Variants in ITCH observed in about 807,000 individuals in gnomAD.
ITCH encodes the protein E3 ubiquitin-protein ligase Itchy homolog.
ITCH carries 28 observed loss-of-function variants against 126.8 expected under a neutral mutation model. The observed-to-expected ratio is 0.22, with a 90% CI of 0.16 to 0.30. The LOEUF is 0.30. Ranked by LOEUF, ITCH falls within the 10% of genes least tolerant of loss-of-function variation. The pLI is 1.00. For missense variants in ITCH, 631 were observed against 1,032.4 expected (o/e 0.61, Z 5.33); for synonymous variants, 342 against 340.0 (o/e 1.01, Z -0.06).
At chr20:34,385,779 T>TA (rs1302364575) in intron 2 of ITCH, among the ~76,000 whole-genome samples, 1 of 152,194 alleles carries the variant, frequency 6.6e-6, no homozygotes, top group Non-Finnish European at 1.5e-5. Context: ...CATACTGATG[T>TA]ATTTGGTTGG....
At chr20:34,493,839 T>A (rs540657806) in intron 23 of ITCH, among the ~76,000 whole-genome samples, 24 of 152,308 alleles carry the variant, frequency 1.6e-4, no homozygotes, top group African/African-American at 5.3e-4. Context: ...CAGTGACATT[T>A]GATGCTGTGA....
At chr20:34,456,545 A>T (rs973825698) in intron 12 of ITCH, among the ~76,000 whole-genome samples, 1 of 147,628 alleles carries the variant, frequency 6.8e-6, no homozygotes, top group Non-Finnish European at 1.5e-5. Context: ...AGGCAGGAGG[A>T]TCACCTGAAC....
chr20:34,448,988 A>C (rs1984817180), intron 11 of ITCH, among the ~76,000 whole-genome samples: 1 of 152,064 alleles, frequency 6.6e-6, no homozygotes, highest in South Asian at 2.1e-4. Context: ...TTTGTATGTC[A>C]CATGTTCTGT....
intron 16 of ITCH, among the ~76,000 whole-genome samples, chr20:34,475,520 C>T (rs1051090615): frequency 8.5e-4 from 129 of 152,276 alleles, no homozygotes; most frequent in African/African-American, 2.7e-3. Context: ...TCAGGCGTGG[C>T]GGCGCGTGCC....
At chr20:34,412,933 A>G (rs965745289) in intron 5 of ITCH, among the ~76,000 whole-genome samples, 1 of 152,216 alleles carries the variant, frequency 6.6e-6, no homozygotes. Context: ...CAGAGATGAA[A>G]GAAAAAAATA....
At chr20:34,379,215 G>A (rs926585248) in intron 2 of ITCH, among the ~76,000 whole-genome samples, 3 of 152,024 alleles carry the variant, frequency 2.0e-5, no homozygotes, top group Admixed American at 2.0e-4. Flanking sequence ...AATGGAGAAT[G>A]GGGTGTGTTC....
At chr20:34,424,397 G>C in intron 6 of ITCH, 83 bp from the exon 7 acceptor site, 1 of 978,292 alleles carries the variant, frequency 1.0e-6, no homozygotes, top group South Asian at 1.3e-5. Context: ...AAAAGGCTTT[G>C]CTTACATGGC....
At chr20:34,384,952 G>A (rs982198211) in intron 2 of ITCH, among the ~76,000 whole-genome samples, 6 of 151,792 alleles carry the variant, frequency 4.0e-5, no homozygotes, top group Non-Finnish European at 8.8e-5. Context: ...GTGAGCCACC[G>A]CACCTGGCTA....
chr20:34,445,481 A>G lies in ITCH; in HGVS notation c.1140+20A>G. The G allele has an allele frequency of 1.2e-6, 2 of 1,610,230 alleles. No individual in the cohort carries two copies. The highest frequency in any genetic ancestry group is 8.5e-7 in the Non-Finnish European group (1 of 1,176,442). On this transcript the variant is annotated intron_variant, in intron 11 of 24. Transcript: ENST00000374864. The stretch of plus-strand genomic sequence containing the variant: ...TATGGGGTGAGCAGCCTGTTGTTTA[A>G]TAAACTAATAAGAGTATTTTGTTTC...
At chr20:34,372,665 C>T (rs915523894) in intron 2 of ITCH, among the ~76,000 whole-genome samples, 1 of 152,024 alleles carries the variant, frequency 6.6e-6, no homozygotes, top group African/African-American at 2.4e-5. Context: ...CAGGCATGAG[C>T]CACCGTACCC....
At position 34,438,466 on chromosome 20, in the gene ITCH, T is replaced by C. The variant is rs774648196; in HGVS notation, c.522-8T>C. On this transcript the variant is annotated splice_polypyrimidine_tract_variant and splice_region_variant and intron_variant, in intron 7 of 24. Transcript: ENST00000374864. ...TCTCCCCCTTCCTTTTCCCCTCTTC[T>C]TACCCAGAGTGAGCACAAATGGATC... is the stretch of plus-strand genomic sequence containing the variant. 6.2e-7 allele frequency: 1 copy of C among 1,613,916 alleles called. No homozygotes were observed. Among genetic ancestry groups the C allele is most frequent in the Non-Finnish European group, 8.5e-7 (1 of 1,179,838 alleles).
At chr20:34,461,347 G>A (rs1233602202) in intron 13 of ITCH, among the ~76,000 whole-genome samples, 1 of 152,156 alleles carries the variant, frequency 6.6e-6, no homozygotes, top group African/African-American at 2.4e-5. Context: ...TACTCTGTTA[G>A]CAGTATCAGT....
chr20:34,502,023 T>C (rs1317810418), intron 23 of ITCH, among the ~76,000 whole-genome samples: 2 of 152,048 alleles, frequency 1.3e-5, no homozygotes, highest in African/African-American at 4.8e-5. Context: ...CTCTAACATG[T>C]AAAAAAGCCT....
chr20:34,471,796 T>TGTGTGTGTGTGTGTGTG (rs58040161), intron 16 of ITCH, among the ~76,000 whole-genome samples: 5 of 150,174 alleles, frequency 3.3e-5, no homozygotes, highest in African/African-American at 1.0e-4. Flanking sequence ...TGTGTGTGTG[T>TGTGTGTGTGTGTGTGTG]TTCAGGTTTC....
At chr20:34,498,911 GTTC>G (rs1271443856) in intron 23 of ITCH, among the ~76,000 whole-genome samples, 1 of 150,926 alleles carries the variant, frequency 6.6e-6, no homozygotes, top group Non-Finnish European at 1.5e-5. Flanking sequence ...ATTGGTATTA[GTTC>G]TTCTTTAAAT....
chr20:34,489,738 C>T (rs1423821591), intron 21 of ITCH, 84 bp from the exon 22 acceptor site: 2 of 904,248 alleles, frequency 2.2e-6, no homozygotes, highest in African/African-American at 1.6e-5. Context: ...TATTCTAAAG[C>T]TTTGCTTAAT....
chr20:34,461,865 G>A (rs1199158005), intron 13 of ITCH, among the ~76,000 whole-genome samples: 7 of 152,192 alleles, frequency 4.6e-5, no homozygotes, highest in Non-Finnish European at 1.0e-4. Flanking sequence ...AGCTAATGGG[G>A]AACATAAGCC....
At chr20:34,398,094 A>C (rs2038739490) in intron 3 of ITCH, among the ~76,000 whole-genome samples, 1 of 151,314 alleles carries the variant, frequency 6.6e-6, no homozygotes, top group Non-Finnish European at 1.5e-5. Context: ...ATGGGGTCTC[A>C]CCCTGTCGTC....
chr20:34,502,433 A>G (rs758711011), intron 23 of ITCH, among the ~76,000 whole-genome samples: 2 of 152,008 alleles, frequency 1.3e-5, no homozygotes, highest in Non-Finnish European at 2.9e-5. Flanking sequence ...AAATGTGACC[A>G]GGTACAGTGA....
Sources: allele counts gnomAD v4.1 joint callset (sites outside exome capture counted in the v4.1 genomes callset), GRCh38; gene constraint gnomAD v4.1.1; transcripts MANE v1.5; gene names NCBI Gene and HGNC (gene_info 2026-07-23, HGNC 2026-07-21).